Variants in EIF3H observed in about 807,000 individuals in gnomAD.
EIF3H encodes the protein eukaryotic translation initiation factor 3 subunit H, also known as eIF-3-gamma.
In EIF3H, 26 loss-of-function variants were observed where a neutral mutation model predicts 44.2. The observed-to-expected ratio is 0.59, with a 90% CI of 0.43 to 0.82. EIF3H has a LOEUF of 0.82. Ranked by LOEUF, EIF3H falls within the 40% of genes least tolerant of loss-of-function variation. EIF3H has a pLI of 0.00. For missense variants in EIF3H, 359 were observed against 432.8 expected, an observed-to-expected ratio of 0.83 and a Z score of 1.51; for synonymous variants, 166 against 151.9, an observed-to-expected ratio of 1.09 and a Z score of -0.68.
At position 116,763,304 on chromosome 8, in the gene EIF3H, A is replaced by G. The variant is rs530411589; in HGVS notation, c.-27+2211T>C. On this transcript the variant is annotated intron_variant, in intron 1 of 9. Transcript: ENST00000276682. ...AATTGTATATATATGCATATGATATATCAATATGTAAATATGGAAACATTG... is the reference window on the plus strand; with the variant it reads ...AATTGTATATATATGCATATGATATGTCAATATGTAAATATGGAAACATTG... Among the ~76,000 whole-genome samples, 3 of 152,370 alleles carry G rather than the reference A, an allele frequency of 2.0e-5. No individual in the cohort carries two copies. The East Asian group carries it at 5.8e-4, about 29-fold the overall frequency.
chr8:116,733,452 C>T (rs1368421698), intron 1 of EIF3H, among the ~76,000 whole-genome samples: 1 of 152,156 alleles, frequency 6.6e-6, no homozygotes, highest in African/African-American at 2.4e-5. Context: ...CCTAAATCAC[C>T]TCATTAGCAT....
chr8:116,702,040 AATC>A (rs1159887044), intron 2 of EIF3H, among the ~76,000 whole-genome samples: 1 of 152,218 alleles, frequency 6.6e-6, no homozygotes, highest in Middle Eastern at 3.2e-3. Flanking sequence ...GTCTGGTAAG[AATC>A]ATCATGAGAT....
intron 2 of EIF3H, chr8:116,697,188 T>G (rs1377137527): frequency 2.2e-6 from 1 of 456,276 alleles, no homozygotes; most frequent in East Asian, 7.0e-5. Flanking sequence ...CTGTGTGTGC[T>G]TGTCCCTTTT....
intron 2 of EIF3H, among the ~76,000 whole-genome samples, chr8:116,675,203 G>A (rs557512210): frequency 1.6e-4 from 24 of 152,294 alleles, no homozygotes; most frequent in Non-Finnish European, 2.1e-4. Context: ...AACTAGGAGC[G>A]AATGACTCAA....
At chr8:116,659,214 A>G (rs1253626805) in intron 2 of EIF3H, among the ~76,000 whole-genome samples, 2 of 152,230 alleles carry the variant, frequency 1.3e-5, no homozygotes, top group Non-Finnish European at 2.9e-5. Flanking sequence ...TAGAAAATGT[A>G]TTACACACAA....
intron 2 of EIF3H, among the ~76,000 whole-genome samples, chr8:116,700,489 C>G (rs1814355393): frequency 6.6e-6 from 1 of 151,944 alleles, no homozygotes; most frequent in South Asian, 2.1e-4. Context: ...TCTTCTTCTT[C>G]CAGTGTGGCC....
intron 2 of EIF3H, among the ~76,000 whole-genome samples, chr8:116,675,151 TG>T (rs1428536779): frequency 1.3e-5 from 2 of 149,086 alleles, no homozygotes; most frequent in African/African-American, 2.4e-5. Context: ...GATGGCACTG[TG>T]CTACCACTTG....
At chr8:116,764,373 T>C (rs1314161150) in intron 1 of EIF3H, among the ~76,000 whole-genome samples, 1 of 152,236 alleles carries the variant, frequency 6.6e-6, no homozygotes, top group Admixed American at 6.5e-5. Flanking sequence ...AAATATTGAT[T>C]TTCCATTACA....
At position 116,755,794 on chromosome 8, in the gene EIF3H, C is replaced by A. The variant is rs1019604430; in HGVS notation, c.4G>T (p.Ala2Ser). 1 of 1,613,482 alleles carries A rather than the reference C, an allele frequency of 6.2e-7. No individual in the cohort carries two copies. The highest frequency in any genetic ancestry group is 1.1e-5 in the South Asian group (1 of 91,088). The change falls in exon 1 of 8, where the codon GCG becomes TCG. Residue 2 changes from alanine (A) to serine (S), a missense_variant. Ala to Ser is a moderately conservative substitution (Grantham distance 99). Around this residue, in one of 5 missense-constraint regions of EIF3H, gnomAD observed 59 missense variants for 33.5 expected, o/e 1.76. Coordinates refer to ENST00000521861, the MANE Select transcript of EIF3H (RefSeq NM_003756.3). The stretch of plus-strand genomic sequence containing the variant: ...GAGCCGGTACCTTCCTTGCGGGACG[C>A]CATCTTTCCAAGCAGACAGGAAGAA... M[A>S]SRKEGTGSTA...
chr8:116,751,425 C>G (rs1195466691), intron 1 of EIF3H, among the ~76,000 whole-genome samples: 2 of 152,114 alleles, frequency 1.3e-5, no homozygotes, highest in African/African-American at 4.8e-5. Context: ...AAAGCATAGT[C>G]CCTGCCCTCA....
intron 2 of EIF3H, among the ~76,000 whole-genome samples, chr8:116,703,697 G>C (rs752751198): frequency 2.4e-4 from 37 of 152,138 alleles, no homozygotes; most frequent in Non-Finnish European, 4.7e-4. Flanking sequence ...CCTATCATTG[G>C]AGATGGCTCA....
At chr8:116,666,941 G>A (rs1296862624) in intron 2 of EIF3H, among the ~76,000 whole-genome samples, 2 of 152,132 alleles carry the variant, frequency 1.3e-5, no homozygotes, top group Non-Finnish European at 2.9e-5. Flanking sequence ...CACAACTACT[G>A]GGAAAGTATA....
chr8:116,757,945 C>T (rs1367183344), upstream of EIF3H, among the ~76,000 whole-genome samples: 2 of 152,122 alleles, frequency 1.3e-5, no homozygotes, highest in South Asian at 2.1e-4. Context: ...TGGTTTCGAA[C>T]GCCTCACCTC....
intron 1 of EIF3H, chr8:116,737,236 C>T (rs1038861906): frequency 4.5e-6 from 2 of 447,076 alleles, no homozygotes; most frequent in Admixed American, 2.5e-5. Flanking sequence ...GATCTACGAA[C>T]CTCTTAAAAT....
At chr8:116,652,437 T>TA (rs1813409592) in intron 5 of EIF3H, among the ~76,000 whole-genome samples, 1 of 152,214 alleles carries the variant, frequency 6.6e-6, no homozygotes, top group Non-Finnish European at 1.5e-5. Context: ...AGATGGATAC[T>TA]AAAGGCATGA....
chr8:116,670,505 A>G (rs1387637012), intron 2 of EIF3H, among the ~76,000 whole-genome samples: 2 of 152,210 alleles, frequency 1.3e-5, no homozygotes, highest in Non-Finnish European at 2.9e-5. Context: ...CACAAAGTGC[A>G]TGATGAGGGA....
intron 1 of EIF3H, among the ~76,000 whole-genome samples, chr8:116,755,324 T>C (rs1170066996): frequency 1.3e-5 from 2 of 152,158 alleles, no homozygotes; most frequent in Non-Finnish European, 2.9e-5. Context: ...AGAGCCCTAC[T>C]AGGTCCCTAA....
intron 1 of EIF3H, among the ~76,000 whole-genome samples, chr8:116,741,396 C>T (rs1244051292): frequency 2.0e-5 from 3 of 152,130 alleles, no homozygotes; most frequent in Non-Finnish European, 2.9e-5. Context: ...TTTTACAACA[C>T]GATGTTTTGA....
chr8:116,730,286 T>C (rs1365598386), intron 1 of EIF3H, among the ~76,000 whole-genome samples: 1 of 152,174 alleles, frequency 6.6e-6, no homozygotes, highest in Non-Finnish European at 1.5e-5. Flanking sequence ...CTAAGCTCTG[T>C]CTCCTGTCAG....
Sources: allele counts gnomAD v4.1 joint callset (sites outside exome capture counted in the v4.1 genomes callset), GRCh38; gene constraint gnomAD v4.1.1; regional missense constraint gnomAD v4.1.1; transcripts MANE v1.5; gene names NCBI Gene and HGNC (gene_info 2026-07-23, HGNC 2026-07-21).